Variants in OPCML observed in about 807,000 individuals in gnomAD.
OPCML encodes the protein opioid-binding protein/cell adhesion molecule.
OPCML carries 13 observed loss-of-function variants against 37.8 expected under a neutral mutation model. That is an observed-to-expected ratio of 0.34 (90% CI 0.22 to 0.55). The LOEUF (loss-of-function observed/expected upper bound fraction) is 0.55. OPCML is among the 20% of genes least tolerant of loss of function. The probability of loss-of-function intolerance (pLI) is 0.91; values close to 1 mark genes in which losing one functional copy is unlikely to be tolerated. For missense variants in OPCML, 341 were observed against 435.6 expected, an observed-to-expected ratio of 0.78 and a Z score of 1.93; for synonymous variants, 176 against 168.8, an observed-to-expected ratio of 1.04 and a Z score of -0.33.
rs539625258 is a variant in OPCML at position 133,401,358 on chromosome 11, C to T, written c.61+130906G>A. Among the ~76,000 whole-genome samples the T allele has an allele frequency of 2.0e-5, 3 of 152,158 alleles. No homozygotes were observed. The East Asian group carries it at 5.8e-4, about 29-fold the overall frequency. On this transcript the variant is annotated intron_variant, in intron 1 of 7. Transcript: ENST00000524381. The stretch of plus-strand genomic sequence containing the variant: ...TCTGTAAAAATAACAAAGCTTTGTA[C>T]AATATTTTACAATTTGCAAAACACT...
intron 4 of OPCML, among the ~76,000 whole-genome samples, chr11:132,441,205 T>C (rs1430311227): frequency 8.6e-6 from 1 of 116,836 alleles, no homozygotes; most frequent in Admixed American, 8.9e-5. Flanking sequence ...TTTCGCTCTG[T>C]CGCCCAGGCT....
intron 1 of OPCML, among the ~76,000 whole-genome samples, chr11:133,281,232 G>A (rs1236500460): frequency 6.6e-6 from 1 of 152,154 alleles, no homozygotes; most frequent in African/African-American, 2.4e-5. Context: ...GTTGAAATAT[G>A]ATCCCCAATG....
intron 2 of OPCML, among the ~76,000 whole-genome samples, chr11:132,732,857 C>T (rs1049782785): frequency 3.3e-5 from 5 of 152,046 alleles, no homozygotes; most frequent in African/African-American, 1.2e-4. Context: ...ACGGAAGAAG[C>T]CTTGGTGGAA....
At chr11:132,422,081 T>A (rs2095961420) in intron 7 of OPCML, among the ~76,000 whole-genome samples, 1 of 152,194 alleles carries the variant, frequency 6.6e-6, no homozygotes, top group African/African-American at 2.4e-5. Flanking sequence ...TCATGACATA[T>A]ATGGCATATA....
At chr11:133,137,851 T>C (rs1949714186) in intron 1 of OPCML, among the ~76,000 whole-genome samples, 1 of 152,086 alleles carries the variant, frequency 6.6e-6, no homozygotes, top group Admixed American at 6.5e-5. Context: ...TCAGGAAAAA[T>C]CGACATCCAG....
chr11:132,845,983 A>G (rs1369567737), intron 2 of OPCML, among the ~76,000 whole-genome samples: 1 of 152,148 alleles, frequency 6.6e-6, no homozygotes, highest in East Asian at 1.9e-4. Flanking sequence ...GACTTTTTTC[A>G]TACCATGCTT....
intron 1 of OPCML, among the ~76,000 whole-genome samples, chr11:133,170,264 C>G (rs189615853): frequency 3.3e-5 from 5 of 152,314 alleles, no homozygotes; most frequent in Admixed American, 3.3e-4. Context: ...ATCACGAGGT[C>G]AGGAGATGGA....
intron 1 of OPCML, among the ~76,000 whole-genome samples, chr11:133,058,784 C>T (rs1332269484): frequency 6.6e-6 from 1 of 152,334 alleles, no homozygotes; most frequent in Non-Finnish European, 1.5e-5. Context: ...AGAGTCTATA[C>T]ATAACCTAAG....
At chr11:132,649,406 G>A (rs552174163) in intron 3 of OPCML, among the ~76,000 whole-genome samples, 2 of 152,224 alleles carry the variant, frequency 1.3e-5, no homozygotes, top group Admixed American at 6.5e-5. Context: ...TGTCATATTC[G>A]TTAATATCTG....
intron 1 of OPCML, among the ~76,000 whole-genome samples, chr11:132,974,465 C>T (rs917487220): frequency 6.6e-6 from 1 of 152,120 alleles, no homozygotes; most frequent in Non-Finnish European, 1.5e-5. Context: ...CCATCTCATG[C>T]CAGTTAGAAT....
At chr11:132,550,432 T>C (rs1474044316) in intron 3 of OPCML, among the ~76,000 whole-genome samples, 2 of 152,180 alleles carry the variant, frequency 1.3e-5, no homozygotes, top group Admixed American at 1.3e-4. Context: ...TCTGTCTCTC[T>C]CTTGCTCCTG....
chr11:133,202,494 C>T (rs1938841689), intron 1 of OPCML, among the ~76,000 whole-genome samples: 2 of 152,174 alleles, frequency 1.3e-5, no homozygotes, highest in South Asian at 2.1e-4. Flanking sequence ...ATATCCCTTC[C>T]CAACACAGAA....
chr11:132,475,514 G>T (rs984835466), intron 4 of OPCML, among the ~76,000 whole-genome samples: 1 of 152,088 alleles, frequency 6.6e-6, no homozygotes, highest in Admixed American at 6.5e-5. Flanking sequence ...CAATCTGACT[G>T]ATGTCCTTAT....
intron 1 of OPCML, among the ~76,000 whole-genome samples, chr11:133,056,583 G>A (rs533519842): frequency 1.3e-5 from 2 of 152,290 alleles, no homozygotes; most frequent in East Asian, 1.9e-4. Context: ...TACAGATGAA[G>A]CAACATTCCT....
chr11:133,530,921 C>T (rs1057168870), intron 1 of OPCML, among the ~76,000 whole-genome samples: 27 of 152,238 alleles, frequency 1.8e-4, no homozygotes, highest in African/African-American at 6.5e-4. Context: ...TGAAAATATT[C>T]CCACAAAACC....
intron 1 of OPCML, among the ~76,000 whole-genome samples, chr11:133,048,303 A>G (rs1367083903): frequency 1.3e-5 from 2 of 152,108 alleles, no homozygotes; most frequent in African/African-American, 2.4e-5. Flanking sequence ...CATTAACTCA[A>G]TCGACAAATA....
chr11:133,372,451 A>T lies in OPCML; in HGVS notation c.61+159813T>A, dbSNP rs192214137. 4.5e-3 allele frequency among the ~76,000 whole-genome samples: 678 copies of T among 152,294 alleles called. 3 individuals are homozygous for T. The highest frequency in any genetic ancestry group is 0.015 in the African/African-American group (612 of 41,568). ...TTTTCTGAGGTTGTTGTGAGGTTGT[A>T]GTGAGGATTAAATGAGAAATGCATA... On this transcript the variant is annotated intron_variant, in intron 1 of 7. Transcript: ENST00000524381.
chr11:132,831,946 C>T (rs767556283), intron 2 of OPCML, among the ~76,000 whole-genome samples: 16 of 151,948 alleles, frequency 1.1e-4, no homozygotes, highest in Non-Finnish European at 2.1e-4. Flanking sequence ...CTTTTGCTGT[C>T]TCTGGGGCTC....
chr11:132,454,795 C>T (rs1433629188), intron 4 of OPCML, among the ~76,000 whole-genome samples: 1 of 152,206 alleles, frequency 6.6e-6, no homozygotes, highest in African/African-American at 2.4e-5. Flanking sequence ...TGCTTCATAA[C>T]TGCAGGGACA....
Sources: gnomAD v4.1 joint callset for allele counts (sites outside exome capture counted in the v4.1 genomes callset) on GRCh38, gnomAD v4.1.1 for gene constraint, MANE v1.5 for transcripts, NCBI Gene and HGNC (gene_info 2026-07-23, HGNC 2026-07-21) for gene names.